MLLT1: variants seen among roughly 807,000 people sequenced by gnomAD.
The protein encoded by MLLT1 is MLLT1 super elongation complex subunit, also known as protein ENL.
In MLLT1, 11 loss-of-function variants were observed where a neutral mutation model predicts 55.1. That is an observed-to-expected ratio of 0.20 (90% CI 0.13 to 0.33). The LOEUF (loss-of-function observed/expected upper bound fraction) is 0.33, where lower values mean the gene tolerates loss of function less well. Ranked by LOEUF, MLLT1 falls within the 10% of genes least tolerant of loss-of-function variation. MLLT1 has a pLI of 1.00. For synonymous variants in MLLT1, 323 were observed against 320.1 expected, an observed-to-expected ratio of 1.01 and a Z score of -0.10; for missense variants, 536 against 760.6, an observed-to-expected ratio of 0.70 and a Z score of 3.47.
chr19:6,244,467 G>T (rs964601570), intron 3 of MLLT1, among the ~76,000 whole-genome samples: 3 of 151,820 alleles, frequency 2.0e-5, no homozygotes, highest in African/African-American at 7.3e-5. Context: ...TCAACAGTGG[G>T]CTTGGTGCAT....
intron 2 of MLLT1, among the ~76,000 whole-genome samples, chr19:6,265,038 C>CA (rs928827048): frequency 0.019 from 410 of 21,048 alleles, 9 homozygotes; most frequent in African/African-American, 0.026. Flanking sequence ...TAGTGAACAG[C>CA]AAAAAAAAAA....
At chr19:6,275,035 C>G (rs2091421096) in intron 1 of MLLT1, among the ~76,000 whole-genome samples, 1 of 152,242 alleles carries the variant, frequency 6.6e-6, no homozygotes, top group Non-Finnish European at 1.5e-5. Flanking sequence ...CGGCCGCCGC[C>G]TGGCAAAGAG....
intron 1 of MLLT1, among the ~76,000 whole-genome samples, chr19:6,275,788 A>G (rs1170300100): frequency 6.6e-6 from 1 of 152,216 alleles, no homozygotes; most frequent in Non-Finnish European, 1.5e-5. Flanking sequence ...TGGTGTGTAG[A>G]CCACCTGGAA....
chr19:6,242,964 T>C (rs1201191714), intron 3 of MLLT1, among the ~76,000 whole-genome samples: 1 of 152,182 alleles, frequency 6.6e-6, no homozygotes, highest in Admixed American at 6.5e-5. Flanking sequence ...GCAGGACTAC[T>C]TGGCAGCCAG....
chr19:6,213,127 T>G lies in MLLT1; in HGVS notation c.1595A>C (p.Asn532Thr), dbSNP rs763971559. 1.2e-6 allele frequency: 2 copies of G among 1,613,884 alleles called. No individual in the cohort carries two copies. The highest frequency in any genetic ancestry group is 2.7e-5 in the African/African-American group (2 of 74,990). ...GAAGAGGTCGAAGTCGAAGGTGGTGTTGGTGACATTGAAGTGGCCAGTCTC... is the reference window on the plus strand; with the variant it reads ...GAAGAGGTCGAAGTCGAAGGTGGTGGTGGTGACATTGAAGTGGCCAGTCTC... ...IEETGHFNVT[N>T]TTFDFDLFSL... is the part of the protein sequence containing the mutation. Residue 532 changes from asparagine to threonine, a missense_variant, in exon 12 of 12, where the codon AAC becomes ACC. By Grantham distance (65) the Asn-to-Thr change is moderately conservative (BLOSUM62 0). Coordinates refer to ENST00000252674, the MANE Select transcript of MLLT1 (RefSeq NM_005934.4).
At chr19:6,215,788 T>C (rs569933240) in intron 8 of MLLT1, among the ~76,000 whole-genome samples, 1 of 152,256 alleles carries the variant, frequency 6.6e-6, no homozygotes, top group South Asian at 2.1e-4. Context: ...CTGAAGCCTG[T>C]GTGCCCGGGG....
At chr19:6,213,672 T>TGGCCC in intron 10 of MLLT1, 54 bp downstream of exon 10, 1 of 1,075,346 alleles carries the variant, frequency 9.3e-7, no homozygotes, top group Non-Finnish European at 1.4e-6. Flanking sequence ...TGGCTGCAAC[T>TGGCCC]CCCACCACCC....
intron 9 of MLLT1, 32 bp from the exon 10 acceptor site, chr19:6,213,829 G>A: frequency 6.2e-7 from 1 of 1,609,038 alleles, no homozygotes; most frequent in Non-Finnish European, 8.5e-7. Context: ...GCTGAGCTGT[G>A]GCCCACACCC....
At position 6,219,800 on chromosome 19, in the gene MLLT1, G is replaced by A. The variant is rs916161132; in HGVS notation, c.1111-1759C>T. ...GGTCAGCAGGGATGGAAGCAGAGAG[G>A]ATGCTGAGCCCCGAGAGGCCCCCAA... On this transcript the variant is annotated intron_variant, in intron 6 of 11. Transcript: ENST00000252674. This position sits in a 1 kb window ranked among gnomAD's most constrained non-coding sequence, Gnocchi z 4.5. 3.9e-5 allele frequency among the ~76,000 whole-genome samples: 6 copies of A among 152,258 alleles called. No individual in the cohort carries two copies. The highest frequency in any genetic ancestry group is 1.4e-4 in the African/African-American group (6 of 41,468).
chr19:6,226,827 C>T lies in MLLT1; in HGVS notation c.546+150G>A, dbSNP rs762651197. On this transcript the variant is annotated intron_variant, in intron 5 of 11. Transcript: ENST00000252674. The surrounding 1 kb of genome is among the most constrained non-coding windows in gnomAD (Gnocchi z 6.3). The stretch of plus-strand genomic sequence containing the variant: ...ATCCTAGGGAAGCGGCAGTGCGCAG[C>T]GAGGGGTGTGCAGAGAGCTCAAAGA... The T allele has an allele frequency of 8.2e-6, 4 of 489,006 alleles. No individual in the cohort carries two copies. The highest frequency in any genetic ancestry group is 4.0e-5 in the East Asian group (1 of 25,094). The allele number at this position is 489,006 out of a possible 1,614,324, so 30.3% of individuals were successfully genotyped here.
chr19:6,238,958 G>A (rs1037554180), intron 3 of MLLT1, among the ~76,000 whole-genome samples: 2 of 152,244 alleles, frequency 1.3e-5, no homozygotes, highest in Non-Finnish European at 2.9e-5. Flanking sequence ...ACCCCGCCAC[G>A]CCTTAGTCAG....
chr19:6,236,541 G>A (rs1389140583), intron 3 of MLLT1, among the ~76,000 whole-genome samples: 2 of 152,158 alleles, frequency 1.3e-5, no homozygotes, highest in Non-Finnish European at 1.5e-5. Context: ...AGCAAGGAAG[G>A]CACCCCCTGC....
chr19:6,269,621 C>CCAG (rs1010663560), intron 2 of MLLT1, among the ~76,000 whole-genome samples: 12 of 152,190 alleles, frequency 7.9e-5, no homozygotes, highest in African/African-American at 2.9e-4. Context: ...AGGCTCAGGG[C>CCAG]CAGGGTCCTG....
chr19:6,215,603 G>A (rs1429464159), intron 8 of MLLT1, among the ~76,000 whole-genome samples: 4 of 152,214 alleles, frequency 2.6e-5, no homozygotes, highest in African/African-American at 4.8e-5. Context: ...GGTGGCTTTA[G>A]TGAACAACAC....
In MLLT1 at chr19:6,216,476, C is replaced by G. The variant is rs756804538; in HGVS notation, c.1236G>C (p.Glu412Asp). ...LRSMVEDLQS[E>D]ESDEDDSSSG... is the part of the protein sequence containing the mutation. The stretch of plus-strand genomic sequence containing the variant: ...ACGAAGAGTCGTCCTCGTCGGACTC[C>G]TCGGACTGCAGGTCCTCCACCATGG... The change falls in exon 8 of 12, where the codon GAG becomes GAC. Residue 412 changes from glutamate to aspartate, a missense_variant. By Grantham distance (45) the Glu-to-Asp change is conservative (BLOSUM62 2). Around this residue, in one of 3 missense-constraint regions of MLLT1, gnomAD observed 449 missense variants for 489.0 expected, o/e 0.92. Coordinates refer to ENST00000252674, the MANE Select transcript of MLLT1 (RefSeq NM_005934.4). The G allele has an allele frequency of 6.2e-7, 1 of 1,607,022 alleles. No individual in the cohort carries two copies. Among genetic ancestry groups the G allele is most frequent in the South Asian group, 1.1e-5 (1 of 89,808 alleles).
chr19:6,214,135 C>T (rs1457860300), intron 8 of MLLT1, 97 bp from the exon 9 acceptor site: 9 of 655,612 alleles, frequency 1.4e-5, no homozygotes, highest in Non-Finnish European at 2.1e-5. Context: ...GAGTCGGTGC[C>T]TGAGCCCACA....
At chr19:6,215,077 C>A (rs777808244) in intron 8 of MLLT1, among the ~76,000 whole-genome samples, 1 of 152,128 alleles carries the variant, frequency 6.6e-6, no homozygotes, top group Non-Finnish European at 1.5e-5. Context: ...ACTGGGATGA[C>A]GGCTGGGCAC....
At chr19:6,252,270 G>C (rs1448852355) in intron 3 of MLLT1, among the ~76,000 whole-genome samples, 1 of 152,178 alleles carries the variant, frequency 6.6e-6, no homozygotes, top group African/African-American at 2.4e-5. Context: ...ATTACAGCAG[G>C]GTTTCTCTGC....
At chr19:6,271,403 G>A (rs902567793) in intron 1 of MLLT1, among the ~76,000 whole-genome samples, 4 of 152,264 alleles carry the variant, frequency 2.6e-5, no homozygotes, top group African/African-American at 7.2e-5. Context: ...AAAGCAGAAT[G>A]GGAGGTTCCC....
Sources: allele counts gnomAD v4.1 joint callset (sites outside exome capture counted in the v4.1 genomes callset), GRCh38; gene constraint gnomAD v4.1.1; regional missense constraint gnomAD v4.1.1; non-coding constraint Gnocchi (gnomAD v3.1); transcripts MANE v1.5; gene names NCBI Gene and HGNC (gene_info 2026-07-23, HGNC 2026-07-21).